PKD1: variants seen among roughly 807,000 people sequenced by gnomAD.
PKD1 encodes the protein polycystin-1.
Under a neutral mutation model 361.7 loss-of-function variants are expected in PKD1, and 81 were observed. The observed-to-expected ratio is 0.22, with a 90% CI of 0.19 to 0.27. The LOEUF is 0.27. PKD1 is among the 10% of genes least tolerant of loss of function. The probability of loss-of-function intolerance (pLI) is 1.00; values close to 1 mark genes in which losing one functional copy is unlikely to be tolerated. For missense variants in PKD1, 6,399 were observed against 6,118.3 expected (o/e 1.05, Z -1.53); for synonymous variants, 3,615 against 2,818.3 (o/e 1.28, Z -8.95).
intron 1 of PKD1, among the ~76,000 whole-genome samples, chr16:2,132,124 C>T (rs914271509): frequency 2.0e-5 from 3 of 151,856 alleles, no homozygotes; most frequent in African/African-American, 7.3e-5. Context: ...GTGGCACATG[C>T]CTGTAATCCC....
rs1210090435 is a variant in PKD1 at position 2,089,234 on chromosome 16, A to AAAT, written c.*490_*492dup. 1.1e-5 allele frequency: 2 copies of AAAT among 173,966 alleles called. No homozygotes were observed. Among genetic ancestry groups the AAAT allele is most frequent in the Non-Finnish European group, 2.5e-5 (2 of 81,460 alleles). The allele number at this position is 173,966 out of a possible 1,614,324, so 10.8% of individuals were successfully genotyped here. On this transcript the variant is annotated 3_prime_UTR_variant, in exon 46 of 46. Coordinates refer to ENST00000262304, the MANE Select transcript of PKD1 (RefSeq NM_001009944.3). Reference sequence around the variant, plus strand: ...GGCGCAGGCCCCTCAGCCCTAGTGAAAATAGTGACATACAAAAATATACAC... The same window carrying AAAT: ...GGCGCAGGCCCCTCAGCCCTAGTGAAAATAATAGTGACATACAAAAATATACAC...
chr16:2,097,694 G>A (rs544190231), intron 32 of PKD1, 34 bp downstream of exon 32: 6 of 1,610,886 alleles, frequency 3.7e-6, no homozygotes, highest in Admixed American at 3.3e-5. Context: ...ACAGTGACCT[G>A]CACCAGGGCT....
rs2092641441 is a variant in PKD1, at chr16:2,116,626, T to G, written c.1625A>C (p.Glu542Ala). 3.9e-6 allele frequency: 6 copies of G among 1,544,644 alleles called. No individual in the cohort carries two copies. The highest frequency in any genetic ancestry group is 5.2e-6 in the Non-Finnish European group (6 of 1,147,392). ...ACTGGGCGCTCCCACGAGGAGGTTC[T>G]CGGCATCCTGCACTGGGCCTGGGGT... Reference protein sequence around the residue: ...LQPGGPVQDAENLLVGAPSGD... With the variant: ...LQPGGPVQDAANLLVGAPSGD... The change falls in exon 8 of 46, where the codon GAG becomes GCG. Residue 542 changes from glutamate to alanine, a missense_variant. Coordinates refer to ENST00000262304, the MANE Select transcript of PKD1 (RefSeq NM_001009944.3).
chr16:2,091,696 G>A, intron 41 of PKD1, 85 bp downstream of exon 41: 2 of 1,574,902 alleles, frequency 1.3e-6, no homozygotes, highest in Non-Finnish European at 1.7e-6. Context: ...AAGCCGCCTA[G>A]GCCAGCGGGG....
intron 1 of PKD1, among the ~76,000 whole-genome samples, chr16:2,121,369 AAAAAAT>A (rs906231004): frequency 7.2e-5 from 11 of 151,972 alleles, no homozygotes; most frequent in Admixed American, 2.0e-4. Flanking sequence ...GCTCCATCTC[AAAAAAT>A]AAAAATAAAA....
In PKD1 at chr16:2,121,549, G is replaced by A. The variant is rs564113781; in HGVS notation, c.216-2171C>T. On this transcript the variant is annotated intron_variant, in intron 1 of 45. Coordinates refer to ENST00000262304, the MANE Select transcript of PKD1 (RefSeq NM_001009944.3). ...GAAAAAGCAACAGAAACCACAGGGC[G>A]GCAGCATGTCTCTCTTTTCAGAGCT... Among the ~76,000 whole-genome samples, 22 of 152,268 alleles carry A rather than the reference G, an allele frequency of 1.4e-4. No individual in the cohort carries two copies. In the South Asian group the frequency reaches 1.5e-3, roughly 10 times the overall value.
intron 23 of PKD1, 104 bp from the exon 24 acceptor site, chr16:2,103,074 G>T (rs1201608612): frequency 1.5e-6 from 2 of 1,357,598 alleles, no homozygotes; most frequent in Non-Finnish European, 2.1e-6. Flanking sequence ...GGCCTGAAAG[G>T]CCATAGGAGC....
At chr16:2,125,830 T>C (rs2092791749) in intron 1 of PKD1, among the ~76,000 whole-genome samples, 1 of 152,028 alleles carries the variant, frequency 6.6e-6, no homozygotes, top group African/African-American at 2.4e-5. Flanking sequence ...CCCTCTCCAC[T>C]CCCACCCTTC....
intron 30 of PKD1, among the ~76,000 whole-genome samples, chr16:2,098,409 T>C (rs919001018): frequency 2.1e-4 from 32 of 150,508 alleles, no homozygotes; most frequent in East Asian, 5.9e-4. Flanking sequence ...GGGGTTTCAC[T>C]GTGTTGGCCA....
rs764218106 is a variant in PKD1 at position 2,119,181 on chromosome 16, T to C, written c.292A>G (p.Ile98Val). Reference protein sequence around the residue: ...ANLSALAELDISNNKISTLEE... With the variant: ...ANLSALAELDVSNNKISTLEE... The stretch of plus-strand genomic sequence containing the variant: ...AACGTAGAAATCTTGTTGTTGCTTA[T>C]ATCCCTGGAAGAGACGGGGGATTCG... Residue 98 changes from isoleucine to valine, a missense_variant, in exon 3 of 46, where the codon ATA becomes GTA. Transcript: ENST00000262304. The C allele has an allele frequency of 5.8e-6, 9 of 1,545,878 alleles. No homozygotes were observed. Among genetic ancestry groups the C allele is most frequent in the Admixed American group, 5.0e-5 (3 of 59,846 alleles).
chr16:2,103,873 G>C lies in PKD1; in HGVS notation c.8184C>G (p.Ser2728Arg), dbSNP rs772197330. The change falls in exon 23 of 46, where the codon AGC becomes AGG. Residue 2728 changes from serine (S) to arginine (R), a missense_variant. Transcript: ENST00000262304. ...NITGDLIHLA[S>R]SDVRAPQPSE... ...AGGGCTGTGGTGCCCGCACGTCCGAGCTGGCCAGGTGGATGAGGTCTCCTG... is the reference window on the plus strand; with the variant it reads ...AGGGCTGTGGTGCCCGCACGTCCGACCTGGCCAGGTGGATGAGGTCTCCTG... 2.5e-6 allele frequency: 4 copies of C among 1,599,718 alleles called. No individual in the cohort carries two copies. The South Asian group carries it at 3.3e-5, about 13-fold the overall frequency.
chr16:2,111,252 G>A lies in PKD1; in HGVS notation c.3915C>T (p.Ile1305=), dbSNP rs1256429567. Reference sequence around the variant, plus strand: ...TGAGCCGCGCGTCAGGCTGCGTGGGGATGCAGGCGGCGGGTTCAACGCGCA... The same window carrying A: ...TGAGCCGCGCGTCAGGCTGCGTGGGAATGCAGGCGGCGGGTTCAACGCGCA... The part of the protein sequence containing the change: ...EVLRVEPAAC[I]PTQPDARLTA... Residue 1305 remains isoleucine, a synonymous_variant, in exon 15 of 46, where the codon ATC becomes ATT. Coordinates refer to ENST00000262304, the MANE Select transcript of PKD1 (RefSeq NM_001009944.3). 14 of 1,610,298 alleles carry A rather than the reference G, an allele frequency of 8.7e-6. No individual in the cohort carries two copies. Among genetic ancestry groups the A allele is most frequent in the Middle Eastern group, 1.9e-4 (1 of 5,356 alleles).
rs373984948 is a variant in PKD1, at chr16:2,090,314, G to A, written c.12415C>T (p.Leu4139Phe). Residue 4139 changes from leucine (L) to phenylalanine (F), a missense_variant, in exon 45 of 46, where the codon CTC becomes TTC. Coordinates refer to ENST00000262304, the MANE Select transcript of PKD1 (RefSeq NM_001009944.3). ...TTGACCTTGCTGAGGCCCATCCAGAGGCGCAGCCTGCGCAGGAACAACTCC... is the reference window on the plus strand; with the variant it reads ...TTGACCTTGCTGAGGCCCATCCAGAAGCGCAGCCTGCGCAGGAACAACTCC... ...MVELFLRRLR[L>F]WMGLSKVKEF... is the part of the protein sequence containing the mutation. The A allele has an allele frequency of 3.7e-6, 6 of 1,611,488 alleles. No homozygotes were observed. The highest frequency in any genetic ancestry group is 1.3e-5 in the African/African-American group (1 of 74,890).
chr16:2,103,639 G>A lies in PKD1; in HGVS notation c.8418C>T (p.Phe2806=), dbSNP rs770546604. The A allele has an allele frequency of 5.6e-6, 9 of 1,610,328 alleles. No individual in the cohort carries two copies. Among genetic ancestry groups the A allele is most frequent in the Non-Finnish European group, 7.6e-6 (9 of 1,179,712 alleles). Residue 2806 remains phenylalanine, a synonymous_variant, in exon 23 of 46, where the codon TTC becomes TTT. Transcript: ENST00000262304. ...CCCCGCTGAAAGCCTCGGGGATGGA[G>A]AAGTGGCAGCCAGGCCCTGGGGCGC... is the stretch of plus-strand genomic sequence containing the variant. ...YGGAPGPGCH[F]SIPEAFSGAL...
intron 11 of PKD1, 152 bp downstream of exon 11, chr16:2,114,018 C>T (rs867264150): frequency 2.9e-5 from 20 of 685,166 alleles, no homozygotes; most frequent in South Asian, 2.0e-4. Context: ...CCAGGTAGCC[C>T]GAGGAGCCAG....
At position 2,108,845 on chromosome 16, in the gene PKD1, G is replaced by A. The variant is rs1232033088; in HGVS notation, c.6322C>T (p.Pro2108Ser). ...DGSPGQDTDE[P>S]RAEHSYLRPG... ...CTCAGGTAGGAGTGCTCGGCCCTGGGCTCATCTGTGTCCTGCCCTGGCGAC... is the reference window on the plus strand; with the variant it reads ...CTCAGGTAGGAGTGCTCGGCCCTGGACTCATCTGTGTCCTGCCCTGGCGAC... The change falls in exon 15 of 46, where the codon CCC becomes TCC. Residue 2108 changes from proline to serine, a missense_variant. Coordinates refer to ENST00000262304, the MANE Select transcript of PKD1 (RefSeq NM_001009944.3). 5.1e-6 allele frequency: 8 copies of A among 1,572,380 alleles called. No homozygotes were observed. The highest frequency in any genetic ancestry group is 6.9e-6 in the Non-Finnish European group (8 of 1,160,156).
In PKD1 at chr16:2,105,868, G is replaced by A. The variant is rs767483568; in HGVS notation, c.7860C>T (p.Asn2620=). Residue 2620 remains asparagine (N), a synonymous_variant, in exon 20 of 46, where the codon AAC becomes AAT. Coordinates refer to ENST00000262304, the MANE Select transcript of PKD1 (RefSeq NM_001009944.3). ...EYSLALVTVL[N]EYERALDVAA... The stretch of plus-strand genomic sequence containing the variant: ...TCCCCTCCCAGGCTGCACTCACCTC[G>A]TTCAGCACGGTGACCAGGGCCAACG... 8 of 1,595,868 alleles carry A rather than the reference G, an allele frequency of 5.0e-6. No individual in the cohort carries two copies. Among genetic ancestry groups the A allele is most frequent in the Admixed American group, 1.7e-5 (1 of 59,982 alleles).
At position 2,109,397 on chromosome 16, in the gene PKD1, C is replaced by T. The variant is rs199947459; in HGVS notation, c.5770G>A (p.Gly1924Ser). Residue 1924 changes from glycine to serine, a missense_variant, in exon 15 of 46, where the codon GGC (glycine) becomes AGC (serine). By Grantham distance (56) the Gly-to-Ser change is moderately conservative. Transcript: ENST00000262304. ...GSAVTFRLQV[G>S]GANPEVLPGP... ...GGGAGCACCTCGGGGTTGGCCCCGCCGACCTGCAGGCGGAAGGTGACAGCT... is the reference window on the plus strand; with the variant it reads ...GGGAGCACCTCGGGGTTGGCCCCGCTGACCTGCAGGCGGAAGGTGACAGCT... The T allele has an allele frequency of 5.1e-5, 81 of 1,598,810 alleles. No homozygotes were observed. In the East Asian group the frequency reaches 1.2e-3, roughly 24 times the overall value.
In PKD1 at chr16:2,121,822, G is replaced by A. The variant is rs370176880; in HGVS notation, c.216-2444C>T. On this transcript the variant is annotated intron_variant, in intron 1 of 45. Coordinates refer to ENST00000262304, the MANE Select transcript of PKD1 (RefSeq NM_001009944.3). ...CCCGAGGCCTCACCTCCTGCCACGGGCCTCTACTTCCCCAGGTGTCACCCT... is the reference window on the plus strand; with the variant it reads ...CCCGAGGCCTCACCTCCTGCCACGGACCTCTACTTCCCCAGGTGTCACCCT... Among the ~76,000 whole-genome samples, 72 of 152,304 alleles carry A rather than the reference G, an allele frequency of 4.7e-4. 1 individual carries two copies. Among genetic ancestry groups the A allele is most frequent in the Admixed American group, 4.2e-3 (65 of 15,308 alleles).
Sources: gnomAD v4.1 joint callset for allele counts (sites outside exome capture counted in the v4.1 genomes callset) on GRCh38, gnomAD v4.1.1 for gene constraint, MANE v1.5 for transcripts, NCBI Gene and HGNC (gene_info 2026-07-23, HGNC 2026-07-21) for gene names.